The following XRN1 variants were observed in gnomAD, a reference collection of about 807,000 sequenced individuals.
The protein encoded by XRN1 is strand-exchange protein 1 homolog.
Under a neutral mutation model 222.3 loss-of-function variants are expected in XRN1, and 67 were observed. The ratio of observed to expected loss-of-function variants is 0.30; its 90% CI spans 0.25 to 0.37. The LOEUF (loss-of-function observed/expected upper bound fraction) is 0.37. Among genes scored for constraint, XRN1 ranks in the 10% least tolerant of loss-of-function variants. The probability of loss-of-function intolerance (pLI) is 1.00; values close to 1 mark genes in which losing one functional copy is unlikely to be tolerated. For synonymous variants in XRN1, 643 were observed against 652.4 expected (o/e 0.99, Z 0.22); for missense variants, 1,707 against 2,000.2 (o/e 0.85, Z 2.80).
At chr3:142,374,917 G>C (rs1393924983) in intron 25 of XRN1, among the ~76,000 whole-genome samples, 1 of 152,170 alleles carries the variant, frequency 6.6e-6, no homozygotes, top group East Asian at 1.9e-4. Flanking sequence ...CTTACAAAAA[G>C]GGGAAATTAG....
chr3:142,431,885 TA>T (rs1444524809), intron 2 of XRN1, among the ~76,000 whole-genome samples: 1 of 25,516 alleles, frequency 3.9e-5, no homozygotes. Context: ...TTATATATAT[TA>T]TATATAATAT....
chr3:142,383,532 A>G, intron 21 of XRN1, 119 bp from the exon 22 acceptor site: 1 of 842,410 alleles, frequency 1.2e-6, no homozygotes, highest in Non-Finnish European at 1.8e-6. Context: ...ATTTTTCTAC[A>G]TAATGCCAAG....
At chr3:142,408,447 T>C (rs762938303) in intron 15 of XRN1, among the ~76,000 whole-genome samples, 5 of 152,186 alleles carry the variant, frequency 3.3e-5, no homozygotes, top group Non-Finnish European at 5.9e-5. Flanking sequence ...TAAGCTGTGT[T>C]GTGCACCTGC....
At chr3:142,319,369 C>A (rs2065288682) in intron 37 of XRN1, among the ~76,000 whole-genome samples, 1 of 152,006 alleles carries the variant, frequency 6.6e-6, no homozygotes, top group African/African-American at 2.4e-5. Context: ...TTATACCATC[C>A]TTTACTTAGG....
chr3:142,318,743 T>C (rs1577209283), intron 38 of XRN1, 47 bp downstream of exon 38: 2 of 1,610,280 alleles, frequency 1.2e-6, no homozygotes, highest in African/African-American at 2.7e-5. Context: ...AAGCTTTCTA[T>C]AGGGACTAAT....
chr3:142,398,515 C>A (rs754737292), intron 19 of XRN1, among the ~76,000 whole-genome samples: 18 of 151,872 alleles, frequency 1.2e-4, no homozygotes, highest in Non-Finnish European at 2.4e-4. Context: ...TACAGGTGCA[C>A]ACCACCATGC....
chr3:142,332,329 G>C, intron 36 of XRN1, 46 bp downstream of exon 36: 1 of 1,356,298 alleles, frequency 7.4e-7, no homozygotes, highest in East Asian at 2.4e-5. Flanking sequence ...CAAATGAATT[G>C]AATTTTTAAA....
intron 1 of XRN1, among the ~76,000 whole-genome samples, chr3:142,441,997 G>A (rs1354631559): frequency 6.6e-6 from 1 of 152,160 alleles, no homozygotes; most frequent in Non-Finnish European, 1.5e-5. Flanking sequence ...GAAAAGCAGG[G>A]TATGCAGTGG....
chr3:142,381,996 A>G (rs2067321007), intron 22 of XRN1, among the ~76,000 whole-genome samples: 1 of 152,230 alleles, frequency 6.6e-6, no homozygotes, highest in Non-Finnish European at 1.5e-5. Flanking sequence ...AGGTTATGGT[A>G]GTACATTCAC....
rs1030621280 is a variant in XRN1, at chr3:142,404,886, A to G, written c.1883+21T>C. On this transcript the variant is annotated intron_variant, in intron 16 of 40. Coordinates refer to ENST00000392981, the MANE Select transcript of XRN1 (RefSeq NM_001282857.2). ...GTTAGGAGCGCTCTTTTGTTGTTGAAAAATTACCAAGTAACATTACCTTGT... is the reference window on the plus strand; with the variant it reads ...GTTAGGAGCGCTCTTTTGTTGTTGAGAAATTACCAAGTAACATTACCTTGT... 3 of 1,612,994 alleles carry G rather than the reference A, an allele frequency of 1.9e-6. No individual in the cohort carries two copies. In the African/African-American group the frequency reaches 4.0e-5, roughly 22 times the overall value.
chr3:142,359,975 G>C (rs752417463), intron 29 of XRN1, 44 bp from the exon 30 acceptor site: 2 of 1,395,684 alleles, frequency 1.4e-6, no homozygotes, highest in Non-Finnish European at 2.0e-6. Flanking sequence ...AAAATCATAT[G>C]ATGAAAAATC....
intron 40 of XRN1, among the ~76,000 whole-genome samples, chr3:142,312,087 G>A (rs1360420742): frequency 6.6e-6 from 1 of 151,996 alleles, no homozygotes; most frequent in East Asian, 1.9e-4. Flanking sequence ...TAGGGTTCGA[G>A]ACCATGGCAA....
intron 34 of XRN1, among the ~76,000 whole-genome samples, chr3:142,334,995 C>T (rs371751954): frequency 1.3e-5 from 2 of 152,052 alleles, no homozygotes; most frequent in East Asian, 3.9e-4. Flanking sequence ...CATGCCACCA[C>T]GCCTGGCTGA....
chr3:142,379,294 A>G (rs529316300), intron 23 of XRN1, among the ~76,000 whole-genome samples: 1 of 152,068 alleles, frequency 6.6e-6, no homozygotes, highest in South Asian at 2.1e-4. Context: ...ACCAAAACCA[A>G]AACCAAAACA....
chr3:142,402,393 G>C (rs769731301), intron 18 of XRN1, among the ~76,000 whole-genome samples: 3 of 152,012 alleles, frequency 2.0e-5, no homozygotes, highest in Non-Finnish European at 4.4e-5. Flanking sequence ...ATGTTGGCCA[G>C]ACTTGTCTTG....
At chr3:142,432,137 T>C (rs1334942430) in intron 2 of XRN1, among the ~76,000 whole-genome samples, 37 of 115,910 alleles carry the variant, frequency 3.2e-4, no homozygotes, top group African/African-American at 1.6e-3. Context: ...TTCATATATA[T>C]AAAATATATA....
chr3:142,407,813 C>A (rs1223287970), intron 15 of XRN1: 2 of 152,262 alleles, frequency 1.3e-5, no homozygotes, highest in East Asian at 3.9e-4. Context: ...TAAATGTTCA[C>A]AGTTCTCTTC....
chr3:142,312,683 G>C lies in XRN1; in HGVS notation c.4697C>G (p.Pro1566Arg). The C allele has an allele frequency of 1.2e-6, 2 of 1,613,832 alleles. No homozygotes were observed. The highest frequency in any genetic ancestry group is 1.1e-5 in the South Asian group (1 of 91,072). Residue 1566 changes from proline to arginine, a missense_variant, in exon 40 of 41, where the codon CCC becomes CGC. Pro to Arg is a moderately radical substitution (Grantham distance 103). Around this residue, in one of 2 missense-constraint regions of XRN1, gnomAD observed 473 missense variants for 482.0 expected, o/e 0.98. Coordinates refer to ENST00000392981, the MANE Select transcript of XRN1 (RefSeq NM_001282857.2). Reference protein sequence around the residue: ...WGPSVPVPGKPFHHTLYSGTM... With the variant: ...WGPSVPVPGKRFHHTLYSGTM... ...CCCAGAATATAAAGTATGATGGAAGGGCTTCCCAGGAACTGGCACCGATGG... is the reference window on the plus strand; with the variant it reads ...CCCAGAATATAAAGTATGATGGAAGCGCTTCCCAGGAACTGGCACCGATGG...
Position 142,425,411 on chromosome 3 carries a change from A to G in XRN1, c.516+18T>C. 1.3e-6 allele frequency: 2 copies of G among 1,587,942 alleles called. No individual in the cohort carries two copies. The highest frequency in any genetic ancestry group is 1.1e-5 in the South Asian group (1 of 87,286). On this transcript the variant is annotated intron_variant, in intron 4 of 40. Transcript: ENST00000392981. ...TAAATACTTTTTTTAAACTCTTTAA[A>G]TAAAAAAAGATAATAACCTCATGGC...
Sources: allele counts gnomAD v4.1 joint callset (sites outside exome capture counted in the v4.1 genomes callset), GRCh38; gene constraint gnomAD v4.1.1; regional missense constraint gnomAD v4.1.1; transcripts MANE v1.5; gene names NCBI Gene and HGNC (gene_info 2026-07-23, HGNC 2026-07-21).